The following NRXN3 variants were observed in gnomAD, a reference collection of about 807,000 sequenced individuals.
The protein encoded by NRXN3 is neurexin III.
NRXN3 carries 32 observed loss-of-function variants against 137.6 expected under a neutral mutation model. The ratio of observed to expected loss-of-function variants is 0.23; its 90% CI spans 0.18 to 0.31. The LOEUF (loss-of-function observed/expected upper bound fraction) is 0.31. Among genes scored for constraint, NRXN3 ranks in the 10% least tolerant of loss-of-function variants. The pLI, the probability that NRXN3 is intolerant of heterozygous loss-of-function variation, is 1.00. For missense variants in NRXN3, 1,574 were observed against 2,062.5 expected, an observed-to-expected ratio of 0.76 and a Z score of 4.59; for synonymous variants, 798 against 784.5, an observed-to-expected ratio of 1.02 and a Z score of -0.29.
chr14:78,355,397 C>A (rs2084141115), intron 4 of NRXN3, among the ~76,000 whole-genome samples: 1 of 151,162 alleles, frequency 6.6e-6, no homozygotes, highest in South Asian at 2.1e-4. Flanking sequence ...TTCTTTCAGT[C>A]ATAGAGTCTT....
intron 15 of NRXN3, among the ~76,000 whole-genome samples, chr14:79,241,247 A>G (rs1013818549): frequency 2.0e-5 from 3 of 152,190 alleles, no homozygotes; most frequent in African/African-American, 4.8e-5. Context: ...AGTCCTCCAG[A>G]GTGAGTTACT....
intron 2 of NRXN3, chr14:78,250,249 A>G (rs943912573): frequency 5.7e-5 from 20 of 349,840 alleles, no homozygotes; most frequent in Non-Finnish European, 2.3e-5. Context: ...AGGAATCATA[A>G]AAAATCGTAC....
intron 2 of NRXN3, among the ~76,000 whole-genome samples, chr14:78,253,812 A>G (rs372899224): frequency 2.5e-4 from 4 of 15,968 alleles, no homozygotes; most frequent in African/African-American, 1.1e-3. Flanking sequence ...CCCCCGCCCA[A>G]AGAAAACCTG....
chr14:78,977,403 T>C (rs912843671), intron 14 of NRXN3, among the ~76,000 whole-genome samples: 13 of 152,164 alleles, frequency 8.5e-5, no homozygotes, highest in Non-Finnish European at 1.6e-4. Context: ...AAACTCCTTC[T>C]CTCTCTCTTT....
intron 20 of NRXN3, among the ~76,000 whole-genome samples, chr14:79,855,111 C>G (rs2099399832): frequency 6.6e-6 from 1 of 151,966 alleles, no homozygotes; most frequent in Non-Finnish European, 1.5e-5. Context: ...AAGATTCTAC[C>G]AAGAAAACAT....
At chr14:79,405,913 A>G (rs1338480634) in intron 15 of NRXN3, among the ~76,000 whole-genome samples, 6 of 152,180 alleles carry the variant, frequency 3.9e-5, no homozygotes, top group African/African-American at 1.4e-4. Flanking sequence ...TTATTTTACA[A>G]GGGTTCATTG....
At chr14:79,314,233 C>T (rs2087812922) in intron 15 of NRXN3, 4 of 135,400 alleles carry the variant, frequency 3.0e-5, no homozygotes, top group Non-Finnish European at 3.1e-5. Context: ...CGAAGCAGGG[C>T]GAGGCATTGC....
At chr14:78,930,712 G>T (rs1333116024) in intron 10 of NRXN3, among the ~76,000 whole-genome samples, 1 of 152,224 alleles carries the variant, frequency 6.6e-6, no homozygotes, top group Non-Finnish European at 1.5e-5. Context: ...GCATGCAGCT[G>T]CTAAGTGGGG....
At chr14:78,178,269 G>T (rs1291182525) in intron 1 of NRXN3, among the ~76,000 whole-genome samples, 1 of 152,188 alleles carries the variant, frequency 6.6e-6, no homozygotes, top group Admixed American at 6.5e-5. Context: ...TGGCCCATTT[G>T]CCAGGCAGTC....
intron 16 of NRXN3, among the ~76,000 whole-genome samples, chr14:79,489,473 G>A (rs1394726301): frequency 2.6e-5 from 4 of 152,110 alleles, no homozygotes; most frequent in African/African-American, 9.7e-5. Context: ...GTTTGCACAG[G>A]TATACCAAGT....
intron 11 of NRXN3, among the ~76,000 whole-genome samples, chr14:78,964,425 G>T (rs2099413679): frequency 6.6e-6 from 1 of 152,210 alleles, no homozygotes; most frequent in South Asian, 2.1e-4. Context: ...GCAGTAGAAT[G>T]GACATTTCTG....
chr14:79,479,376 T>TA (rs1298048205), intron 16 of NRXN3, among the ~76,000 whole-genome samples: 6 of 152,156 alleles, frequency 3.9e-5, no homozygotes, highest in African/African-American at 1.4e-4. Flanking sequence ...TTTTATGAAG[T>TA]AAAAAATTAA....
intron 4 of NRXN3, among the ~76,000 whole-genome samples, chr14:78,634,750 G>A (rs540405743): frequency 6.6e-6 from 1 of 152,198 alleles, no homozygotes; most frequent in African/African-American, 2.4e-5. Context: ...TTGATGGGGA[G>A]ATTTTCTGTA....
At chr14:78,905,184 C>T (rs900563309) in intron 10 of NRXN3, among the ~76,000 whole-genome samples, 3 of 152,000 alleles carry the variant, frequency 2.0e-5, no homozygotes, top group African/African-American at 7.2e-5. Flanking sequence ...GCCTCCTTTC[C>T]TTTGCCCAGC....
At chr14:79,545,043 A>C (rs1047434118) in intron 16 of NRXN3, among the ~76,000 whole-genome samples, 1 of 152,124 alleles carries the variant, frequency 6.6e-6, no homozygotes, top group African/African-American at 2.4e-5. Flanking sequence ...TAGCTGGAGG[A>C]GCTGTTGCTT....
intron 15 of NRXN3, among the ~76,000 whole-genome samples, chr14:79,278,990 C>A (rs572978515): frequency 6.6e-6 from 1 of 152,234 alleles, no homozygotes. Flanking sequence ...GCTACTTCGG[C>A]CTTAGCCGCC....
intron 4 of NRXN3, among the ~76,000 whole-genome samples, chr14:78,419,173 T>C (rs2093312396): frequency 6.6e-6 from 1 of 152,258 alleles, no homozygotes; most frequent in African/African-American, 2.4e-5. Flanking sequence ...AGCTAGTTCA[T>C]GGTGGGACCT....
rs923885957 is a variant in NRXN3, at chr14:78,771,695, T to C, written c.2045-31925T>C. ...TGGCCTGAGTAGAATAGAAAATGTGTGTCTCTTTTGATTATAACAAGGAAG... is the reference window on the plus strand; with the variant it reads ...TGGCCTGAGTAGAATAGAAAATGTGCGTCTCTTTTGATTATAACAAGGAAG... On this transcript the variant is annotated intron_variant, in intron 8 of 20. Transcript: ENST00000335750. Among the ~76,000 whole-genome samples, 4 of 152,332 alleles carry C rather than the reference T, an allele frequency of 2.6e-5. No individual in the cohort carries two copies. The East Asian group carries it at 5.8e-4, about 22-fold the overall frequency.
intron 1 of NRXN3, among the ~76,000 whole-genome samples, chr14:78,219,739 CT>C (rs1257847315): frequency 6.6e-6 from 1 of 152,190 alleles, no homozygotes; most frequent in Non-Finnish European, 1.5e-5. Flanking sequence ...CAGAAAGGAG[CT>C]TCTTTAGAAG....
Sources: allele counts gnomAD v4.1 joint callset (sites outside exome capture counted in the v4.1 genomes callset), GRCh38; gene constraint gnomAD v4.1.1; transcripts MANE v1.5; gene names NCBI Gene and HGNC (gene_info 2026-07-23, HGNC 2026-07-21).